Variants in GPR176 observed in about 807,000 individuals in gnomAD.
GPR176 encodes G-protein coupled receptor 176.
In GPR176, 26 loss-of-function variants were observed where a neutral mutation model predicts 35.4. That is an observed-to-expected ratio of 0.74 (90% CI 0.54 to 1.02). The LOEUF is 1.02. GPR176 is among the 50% of genes least tolerant of loss of function. GPR176 has a pLI of 0.00. For missense variants in GPR176, 597 were observed against 665.3 expected, an observed-to-expected ratio of 0.90 and a Z score of 1.13; for synonymous variants, 278 against 271.3, an observed-to-expected ratio of 1.02 and a Z score of -0.24.
At chr15:39,831,369 T>C (rs187349899) in intron 1 of GPR176, among the ~76,000 whole-genome samples, 77 of 152,286 alleles carry the variant, frequency 5.1e-4, no homozygotes, top group Admixed American at 8.5e-4. Flanking sequence ...TATTGATGCC[T>C]ACATGTGTCT....
chr15:39,888,311 G>A (rs1412363980), intron 1 of GPR176, among the ~76,000 whole-genome samples: 1 of 152,056 alleles, frequency 6.6e-6, no homozygotes, highest in African/African-American at 2.4e-5. Context: ...TTGGAGACAA[G>A]GTCTCACCCT....
At chr15:39,832,799 G>A (rs1901178577) in intron 1 of GPR176, among the ~76,000 whole-genome samples, 1 of 152,132 alleles carries the variant, frequency 6.6e-6, no homozygotes, top group Non-Finnish European at 1.5e-5. Context: ...TTGTTTTAGA[G>A]GGTGTCCCTG....
Position 39,901,432 on chromosome 15 carries a change from GCCCTTAAGCAACACTA to G in GPR176, c.172+18407_172+18422del, listed in dbSNP as rs2033273304. On this transcript the variant is annotated intron_variant, in intron 1 of 2. Transcript: ENST00000561100. The stretch of plus-strand genomic sequence containing the variant: ...TCTATATTTTTCCATTTTACCTTCA[GCCCTTAAGCAACACTA>G]GTTATTAAAAGATGGGTAGGACTGG... Among the ~76,000 whole-genome samples, 27 of 152,216 alleles carry G rather than the reference GCCCTTAAGCAACACTA, an allele frequency of 1.8e-4. 2 individuals are homozygous for G. The South Asian group carries it at 4.8e-3, about 27-fold the overall frequency.
chr15:39,876,853 GGAGA>G (rs1566959682), intron 1 of GPR176, among the ~76,000 whole-genome samples: 1 of 151,030 alleles, frequency 6.6e-6, no homozygotes, highest in East Asian at 1.9e-4. Context: ...AGGGAGGGAG[GGAGA>G]GAGAGAAAGA....
intron 1 of GPR176, among the ~76,000 whole-genome samples, chr15:39,832,632 G>A (rs1026338845): frequency 1.6e-4 from 23 of 143,830 alleles, no homozygotes; most frequent in Non-Finnish European, 3.2e-4. Context: ...ACATGCTAAC[G>A]CTAATGATAG....
chr15:39,906,987 G>T (rs927286980), intron 1 of GPR176, among the ~76,000 whole-genome samples: 2 of 152,168 alleles, frequency 1.3e-5, no homozygotes, highest in African/African-American at 4.8e-5. Context: ...ACACAAACAA[G>T]ATAATTTCTG....
At chr15:39,828,769 A>C (rs1900859939) in intron 1 of GPR176, among the ~76,000 whole-genome samples, 1 of 152,238 alleles carries the variant, frequency 6.6e-6, no homozygotes, top group African/African-American at 2.4e-5. Flanking sequence ...AAAGCCCTGG[A>C]AACAAACTAC....
chr15:39,914,431 AGCC>A (rs2033669921), intron 1 of GPR176, among the ~76,000 whole-genome samples: 1 of 148,464 alleles, frequency 6.7e-6, no homozygotes, highest in Admixed American at 6.9e-5. Context: ...CTCCTGCTTC[AGCC>A]TCCTGAATAG....
At position 39,920,001 on chromosome 15, in the gene GPR176, G is replaced by C. The variant is rs200109400; in HGVS notation, c.26C>G (p.Ser9Cys). ...GTTGTGCGGCTCGCTGGCATTTGGA[G>C]AGATCCAGCTCCCGTTATGTCCCAT... is the stretch of plus-strand genomic sequence containing the variant. MGHNGSWISPNASEPHNAS... is the reference protein window; with the variant it reads MGHNGSWICPNASEPHNAS... The change falls in exon 1 of 3, where the codon TCT becomes TGT. Residue 9 changes from serine (S) to cysteine (C), a missense_variant. By Grantham distance (112) the Ser-to-Cys change is moderately radical (BLOSUM62 -1). This residue lies in a region of GPR176 where 126 missense variants were observed against 112.4 expected (regional missense o/e 1.12). Transcript: ENST00000561100. The C allele has an allele frequency of 3.5e-6, 5 of 1,432,606 alleles. No individual in the cohort carries two copies. The highest frequency in any genetic ancestry group is 2.8e-6 in the Non-Finnish European group (3 of 1,090,104). 88.7% of individuals were successfully genotyped at this position (1,432,606 alleles called of 1,614,324 possible).
chr15:39,810,070 A>G (rs2140789854), intron 1 of GPR176, among the ~76,000 whole-genome samples: 1 of 151,210 alleles, frequency 6.6e-6, no homozygotes, highest in African/African-American at 2.4e-5. Flanking sequence ...GCGTGAACCC[A>G]GGAGGCGGAG....
At chr15:39,892,796 G>A (rs573865173) in intron 1 of GPR176, among the ~76,000 whole-genome samples, 1 of 152,206 alleles carries the variant, frequency 6.6e-6, no homozygotes, top group Non-Finnish European at 1.5e-5. Context: ...CAGCCCTGCC[G>A]GCAGCTTGAT....
In GPR176 at chr15:39,880,696, T is replaced by C. The variant is rs1248765438; in HGVS notation, c.172+39159A>G. 2.6e-5 allele frequency among the ~76,000 whole-genome samples: 4 copies of C among 152,142 alleles called. No individual in the cohort carries two copies. In the South Asian group the frequency reaches 8.3e-4, roughly 32 times the overall value. ...CCTCCACCCCCTCAGAAGCCCAATATAGAGAACTAAGCATCATCCTTGGCT... is the reference window on the plus strand; with the variant it reads ...CCTCCACCCCCTCAGAAGCCCAATACAGAGAACTAAGCATCATCCTTGGCT... On this transcript the variant is annotated intron_variant, in intron 1 of 2. Coordinates refer to ENST00000561100, the MANE Select transcript of GPR176 (RefSeq NM_007223.3).
chr15:39,801,709 T>C lies in GPR176; in HGVS notation c.971A>G (p.Asn324Ser), dbSNP rs770095092. The C allele has an allele frequency of 6.2e-7, 1 of 1,613,820 alleles. No homozygotes were observed. The highest frequency in any genetic ancestry group is 8.5e-7 in the Non-Finnish European group (1 of 1,179,776). ...TATCAAGCACTTGCGGACAGATTTG[T>C]TCACAGTAAGAAAGAGAACAGGGTT... ...LANPVLFLTV[N>S]KSVRKCLIGT... Residue 324 changes from asparagine (N) to serine (S), a missense_variant, in exon 3 of 3, where the codon AAC (asparagine) becomes AGC (serine). By Grantham distance (46) the Asn-to-Ser change is conservative (BLOSUM62 1). This residue lies in a region of GPR176 where 251 missense variants were observed against 255.4 expected (regional missense o/e 0.98). Transcript: ENST00000561100.
chr15:39,911,505 G>C (rs1230536975), intron 1 of GPR176, among the ~76,000 whole-genome samples: 3 of 152,170 alleles, frequency 2.0e-5, no homozygotes, highest in Non-Finnish European at 2.9e-5. Context: ...CAGTTTGAAG[G>C]CATTTCTCTG....
intron 1 of GPR176, among the ~76,000 whole-genome samples, chr15:39,832,654 A>AACACACACACAC (rs112693906): frequency 0.12 from 17,330 of 145,020 alleles, 1,309 homozygotes; most frequent in Middle Eastern, 0.27. Flanking sequence ...TGATGAGCTA[A>AACACACACACAC]ACACACACAC....
intron 1 of GPR176, among the ~76,000 whole-genome samples, chr15:39,908,676 A>G (rs1268803486): frequency 3.3e-5 from 5 of 151,668 alleles, no homozygotes; most frequent in African/African-American, 9.7e-5. Context: ...CCCTGTGTCT[A>G]TATCTCACCC....
In GPR176 at chr15:39,897,597, A is replaced by ATTTTTTT. The variant is rs1491229135; in HGVS notation, c.172+22257_172+22258insAAAAAAA. ...CTGAGAGATCATGAGAAACATCCAA[A>ATTTTTTT]TATTTTTTTTTTTTTTTTTTTTTTT... On this transcript the variant is annotated intron_variant, in intron 1 of 2. Transcript: ENST00000561100. Among the ~76,000 whole-genome samples, 33 of 93,838 alleles carry ATTTTTTT rather than the reference A, an allele frequency of 3.5e-4. 1 individual carries two copies. Among genetic ancestry groups the ATTTTTTT allele is most frequent in the African/African-American group, 1.3e-3 (31 of 24,704 alleles). 61.6% of individuals were successfully genotyped at this position (93,838 alleles called of 152,430 possible). A position where few individuals can be genotyped will look rare whatever the true frequency, so the allele number is the denominator to read the frequency against.
At position 39,856,307 on chromosome 15, in the gene GPR176, C is replaced by A. The variant is rs73399119; in HGVS notation, c.173-49049G>T. Among the ~76,000 whole-genome samples the A allele has an allele frequency of 9.0e-3, 1,373 of 152,318 alleles. 21 individuals carry two copies. Among genetic ancestry groups the A allele is most frequent in the African/African-American group, 0.031 (1,290 of 41,578 alleles). Reference sequence around the variant, plus strand: ...TTTCCTCAATTATGTCATTTATTTGCTTACTGTCTATCCCTCATACAAATA... The same window carrying A: ...TTTCCTCAATTATGTCATTTATTTGATTACTGTCTATCCCTCATACAAATA... On this transcript the variant is annotated intron_variant, in intron 1 of 2. Transcript: ENST00000561100.
chr15:39,920,194 G>A lies in GPR176; in HGVS notation c.-168C>T, dbSNP rs2033841262. 1 of 425,048 alleles carries A rather than the reference G, an allele frequency of 2.4e-6. No individual in the cohort carries two copies. Among genetic ancestry groups the A allele is most frequent in the Non-Finnish European group, 4.0e-6 (1 of 247,682 alleles). 26.3% of individuals were successfully genotyped at this position (425,048 alleles called of 1,614,324 possible). ...CCACATCGCCAACCCCGGCGCCCGG[G>A]AGGCGGGGAGGGAGGGAGGCGCGGC... On this transcript the variant is annotated 5_prime_UTR_variant, in exon 1 of 3. Transcript: ENST00000561100.
Sources: gnomAD v4.1 joint callset for allele counts (sites outside exome capture counted in the v4.1 genomes callset) on GRCh38, gnomAD v4.1.1 for gene constraint, gnomAD v4.1.1 regional missense constraint, MANE v1.5 for transcripts, NCBI Gene and HGNC (gene_info 2026-07-23, HGNC 2026-07-21) for gene names.